Variants in MYO5A observed in about 807,000 individuals in gnomAD.
MYO5A encodes unconventional myosin-Va.
A neutral mutation model predicts 249.7 loss-of-function variants in MYO5A; 98 were observed. That is an observed-to-expected ratio of 0.39 (90% confidence interval 0.33 to 0.46). MYO5A has a LOEUF of 0.46. Among genes scored for constraint, MYO5A ranks in the 20% least tolerant of loss-of-function variants. MYO5A has a pLI of 0.98. For missense variants in MYO5A, 1,696 were observed against 2,308.8 expected, an observed-to-expected ratio of 0.73 and a Z score of 5.44; for synonymous variants, 778 against 810.6, an observed-to-expected ratio of 0.96 and a Z score of 0.68.
intron 40 of MYO5A, 147 bp downstream of exon 40, chr15:52,316,901 C>T (rs530893663): frequency 1.2e-6 from 1 of 820,176 alleles, no homozygotes; most frequent in Admixed American, 2.4e-5. Context: ...AATCTCCTTG[C>T]TTTAAGATTG....
At chr15:52,487,591 A>G (rs1383541463) in intron 1 of MYO5A, among the ~76,000 whole-genome samples, 1 of 151,750 alleles carries the variant, frequency 6.6e-6, no homozygotes, top group Non-Finnish European at 1.5e-5. Context: ...GAGCATGGTG[A>G]CAGGTGCCTA....
intron 25 of MYO5A, among the ~76,000 whole-genome samples, chr15:52,356,127 G>A (rs1471697255): frequency 6.6e-6 from 1 of 152,164 alleles, no homozygotes; most frequent in Admixed American, 6.5e-5. Flanking sequence ...GGAAGATAAA[G>A]AGTCCCTTTG....
At chr15:52,386,270 C>T (rs899881255) in intron 14 of MYO5A, among the ~76,000 whole-genome samples, 2 of 152,058 alleles carry the variant, frequency 1.3e-5, no homozygotes, top group Non-Finnish European at 2.9e-5. Context: ...ATGATCATCA[C>T]ATCACTGCAC....
intron 1 of MYO5A, among the ~76,000 whole-genome samples, chr15:52,474,870 A>C (rs1317909422): frequency 1.3e-5 from 2 of 152,184 alleles, no homozygotes; most frequent in South Asian, 2.1e-4. Flanking sequence ...TGTCTCTGCC[A>C]GGCTTTGGTA....
rs1349723320 is a variant in MYO5A, at chr15:52,380,358, C to T, written c.2013-450G>A. Among the ~76,000 whole-genome samples, 16 of 151,866 alleles carry T rather than the reference C, an allele frequency of 1.1e-4. No individual in the cohort carries two copies. In the South Asian group the frequency reaches 2.5e-3, roughly 24 times the overall value. On this transcript the variant is annotated intron_variant, in intron 16 of 41. Transcript: ENST00000399233. ...GGCTGAGGCAGGAGAATCACTTGAA[C>T]CTGGGAGGTAGAGGTTGCAGTGAGC...
At chr15:52,517,104 C>A (rs940298179) in intron 1 of MYO5A, among the ~76,000 whole-genome samples, 1 of 152,144 alleles carries the variant, frequency 6.6e-6, no homozygotes, top group Non-Finnish European at 1.5e-5. Flanking sequence ...TATTAAAAAG[C>A]AGAAAGCATC....
At chr15:52,316,401 A>G (rs1363647536) in intron 40 of MYO5A, among the ~76,000 whole-genome samples, 1 of 152,180 alleles carries the variant, frequency 6.6e-6, no homozygotes, top group Non-Finnish European at 1.5e-5. Context: ...CAATGCCCAG[A>G]TTAATGGGAC....
intron 38 of MYO5A, 146 bp from the exon 39 acceptor site, chr15:52,319,488 G>A: frequency 2.3e-6 from 2 of 867,292 alleles, no homozygotes; most frequent in South Asian, 2.9e-5. Flanking sequence ...AGCACTTTGG[G>A]AGGCCGCCGA....
Position 52,487,837 on chromosome 15 carries a change from C to T in MYO5A, c.27+40943G>A, listed in dbSNP as rs183273842. Among the ~76,000 whole-genome samples, 10 of 152,238 alleles carry T rather than the reference C, an allele frequency of 6.6e-5. No individual in the cohort carries two copies. In the East Asian group the frequency reaches 1.7e-3, roughly 26 times the overall value. ...TGTACGGCCGGCGTTCCTGATGCCC[C>T]TCACTCACTACCCTCAATCCCTACC... On this transcript the variant is annotated intron_variant, in intron 1 of 41. Transcript: ENST00000399233.
intron 24 of MYO5A, among the ~76,000 whole-genome samples, chr15:52,362,333 T>C (rs2040575419): frequency 6.6e-6 from 1 of 152,252 alleles, no homozygotes; most frequent in African/African-American, 2.4e-5. Context: ...GAGTGTCATT[T>C]ACAGAACAGC....
intron 18 of MYO5A, among the ~76,000 whole-genome samples, chr15:52,378,972 C>T (rs1163571422): frequency 6.6e-6 from 1 of 152,168 alleles, no homozygotes; most frequent in African/African-American, 2.4e-5. Flanking sequence ...TCTGTAACAC[C>T]AACCTACATT....
chr15:52,514,706 T>C (rs1231704714), intron 1 of MYO5A, among the ~76,000 whole-genome samples: 1 of 152,182 alleles, frequency 6.6e-6, no homozygotes, highest in Admixed American at 6.5e-5. Context: ...TTGTTAGAAA[T>C]GCAGGCTCAT....
At chr15:52,432,817 A>G (rs2075571168) in intron 2 of MYO5A, among the ~76,000 whole-genome samples, 1 of 152,138 alleles carries the variant, frequency 6.6e-6, no homozygotes, top group South Asian at 2.1e-4. Context: ...GCCACCAATG[A>G]GTCTCCTCTA....
Position 52,407,396 on chromosome 15 carries a change from T to A in MYO5A, c.842A>T (p.Asn281Ile). The change falls in exon 8 of 42, where the codon AAT (asparagine) becomes ATT (isoleucine). Residue 281 changes from asparagine to isoleucine, a missense_variant. Around this residue, in one of 5 missense-constraint regions of MYO5A, gnomAD observed 185 missense variants for 204.8 expected, o/e 0.90. Coordinates refer to ENST00000399233, the MANE Select transcript of MYO5A (RefSeq NM_001382347.1). The stretch of plus-strand genomic sequence containing the variant: ...TTTTGTGTAATTAAAGTTATCTGCA[T>A]TTCCTGTAATGAAGAAAAATAAAAA... ...LPEFKMLRLG[N>I]ADNFNYTKQG... 6.2e-7 allele frequency: 1 copy of A among 1,611,182 alleles called. No individual in the cohort carries two copies. The highest frequency in any genetic ancestry group is 8.5e-7 in the Non-Finnish European group (1 of 1,177,368).
chr15:52,452,444 G>C (rs962337997), intron 1 of MYO5A, among the ~76,000 whole-genome samples: 2 of 152,158 alleles, frequency 1.3e-5, no homozygotes, highest in Non-Finnish European at 2.9e-5. Context: ...GAAGTATCAT[G>C]AGTGCCTGAA....
Position 52,387,827 on chromosome 15 carries a change from A to T in MYO5A, c.1752+2T>A. On this transcript the variant is annotated splice_donor_variant, in intron 14 of 41. Transcript: ENST00000399233. LOFTEE classifies it high-confidence loss of function. ...GATTAGAGTAAGCCTATCCATAGTT[A>T]CCTTGCTTGATTTAAGAACTTTAAT... is the stretch of plus-strand genomic sequence containing the variant. 6.3e-7 allele frequency: 1 copy of T among 1,590,044 alleles called. No individual in the cohort carries two copies. Among genetic ancestry groups the T allele is most frequent in the Non-Finnish European group, 8.6e-7 (1 of 1,158,590 alleles).
intron 14 of MYO5A, 135 bp from the exon 15 acceptor site, chr15:52,384,457 T>A: frequency 1.1e-6 from 1 of 910,202 alleles, no homozygotes; most frequent in Non-Finnish European, 1.7e-6. Context: ...AGTCAGTATC[T>A]GTGCTAAGAG....
At chr15:52,383,289 A>C in intron 15 of MYO5A, 101 bp from the exon 16 acceptor site, 1 of 964,322 alleles carries the variant, frequency 1.0e-6, no homozygotes, top group Non-Finnish European at 1.7e-6. Flanking sequence ...AATGGAGAAA[A>C]CTTTGCCACT....
chr15:52,410,588 A>ATT (rs5812605), intron 5 of MYO5A, 112 bp from the exon 6 acceptor site: 9,805 of 678,454 alleles, frequency 0.014, 23 homozygotes, highest in East Asian at 0.037. Context: ...CTTAAAATTG[A>ATT]TTTTTTTTTT....
Sources: gnomAD v4.1 joint callset for allele counts (sites outside exome capture counted in the v4.1 genomes callset) on GRCh38, gnomAD v4.1.1 for gene constraint, gnomAD v4.1.1 regional missense constraint, MANE v1.5 for transcripts, NCBI Gene and HGNC (gene_info 2026-07-23, HGNC 2026-07-21) for gene names.